Variants in PKHD1 observed in about 807,000 individuals in gnomAD.
The protein encoded by PKHD1 is PKHD1 ciliary IPT domain containing fibrocystin/polyductin, also known as fibrocystin.
Under a neutral mutation model 412.0 loss-of-function variants are expected in PKHD1, and 291 were observed. The ratio of observed to expected loss-of-function variants is 0.71; its 90% CI spans 0.64 to 0.78. The LOEUF (loss-of-function observed/expected upper bound fraction) is 0.78, where lower values mean the gene tolerates loss of function less well. Among genes scored for constraint, PKHD1 ranks in the 30% least tolerant of loss-of-function variants. PKHD1 has a pLI of 0.00. For synonymous variants in PKHD1, 1,777 were observed against 1,821.5 expected (o/e 0.98, Z 0.62); for missense variants, 4,825 against 4,950.7 (o/e 0.97, Z 0.76).
intron 57 of PKHD1, among the ~76,000 whole-genome samples, chr6:51,750,760 T>G (rs1214411630): frequency 3.9e-5 from 6 of 152,114 alleles, no homozygotes; most frequent in African/African-American, 1.4e-4. Flanking sequence ...TTAAAATGTC[T>G]TGAGCATTAA....
At chr6:51,757,823 G>A (rs188810931) in intron 55 of PKHD1, among the ~76,000 whole-genome samples, 3 of 151,936 alleles carry the variant, frequency 2.0e-5, no homozygotes, top group Admixed American at 2.0e-4. Flanking sequence ...GGCAACTAGA[G>A]TGATCCCATC....
intron 28 of PKHD1, 44 bp downstream of exon 28, chr6:52,035,547 G>A (rs759113390): frequency 6.4e-7 from 1 of 1,572,210 alleles, no homozygotes; most frequent in Non-Finnish European, 8.8e-7. Context: ...ATTAACAGTG[G>A]TCACTCACCC....
chr6:52,017,751 CT>C (rs1362798547), intron 33 of PKHD1, 122 bp from the exon 34 acceptor site: 54 of 753,988 alleles, frequency 7.2e-5, no homozygotes, highest in Non-Finnish European at 1.1e-4. Context: ...TAGCAGTTTA[CT>C]TTTTTTAAAA....
intron 60 of PKHD1, among the ~76,000 whole-genome samples, chr6:51,690,388 G>C (rs1458952998): frequency 6.6e-6 from 1 of 151,862 alleles, no homozygotes; most frequent in African/African-American, 2.4e-5. Context: ...AATAAAGCTG[G>C]AGGTATCATG....
Position 51,659,535 on chromosome 6 carries a change from T to C in PKHD1, c.10591A>G (p.Ile3531Val), listed in dbSNP as rs374488342. Residue 3531 changes from isoleucine (I) to valine (V), a missense_variant, in exon 61 of 67, where the codon ATT (isoleucine) becomes GTT (valine). Ile to Val is a conservative substitution (Grantham distance 29). Transcript: ENST00000371117. ...QSASLLLNES[I>V]GANYFNIMDN... ...ATGATGTTGAAATAGTTGGCACCAA[T>C]AGATTCATTCAGCAATAAGGAAGCT... 31 of 1,613,532 alleles carry C rather than the reference T, an allele frequency of 1.9e-5. No homozygotes were observed. Among genetic ancestry groups the C allele is most frequent in the South Asian group, 1.1e-4 (10 of 91,078 alleles).
Position 51,999,202 on chromosome 6 carries a change from T to A in PKHD1, c.5751+11107A>T, listed in dbSNP as rs368001742. On this transcript the variant is annotated intron_variant, in intron 35 of 66. Transcript: ENST00000371117. Reference sequence around the variant, plus strand: ...AGAGTTAATGCAAGTTAACATCCACTCATACATACAGTAATACCATTAAGG... The same window carrying A: ...AGAGTTAATGCAAGTTAACATCCACACATACATACAGTAATACCATTAAGG... Among the ~76,000 whole-genome samples, 22 of 152,300 alleles carry A rather than the reference T, an allele frequency of 1.4e-4. 1 individual carries two copies. The highest frequency in any genetic ancestry group is 5.1e-4 in the African/African-American group (21 of 41,558).
intron 1 of PKHD1, among the ~76,000 whole-genome samples, chr6:52,086,976 G>C (rs1001048373): frequency 2.0e-5 from 3 of 152,124 alleles, no homozygotes; most frequent in Non-Finnish European, 2.9e-5. Context: ...ATCTGGCTAC[G>C]TGATTTTAAC....
At chr6:52,050,030 C>A in intron 22 of PKHD1, 127 bp downstream of exon 22, 1 of 879,350 alleles carries the variant, frequency 1.1e-6, no homozygotes, top group South Asian at 1.4e-5. Flanking sequence ...GCTGCATTCT[C>A]AAGATTGAGA....
At chr6:51,808,968 T>C (rs536232985) in intron 52 of PKHD1, among the ~76,000 whole-genome samples, 7 of 152,154 alleles carry the variant, frequency 4.6e-5, no homozygotes, top group African/African-American at 1.4e-4. Context: ...TCCTGAAATA[T>C]GGATTTATGG....
chr6:51,750,000 A>T (rs1785820334), intron 57 of PKHD1, among the ~76,000 whole-genome samples: 1 of 152,186 alleles, frequency 6.6e-6, no homozygotes, highest in Non-Finnish European at 1.5e-5. Flanking sequence ...TCACTGTTTC[A>T]ATAATAGTAT....
At chr6:51,732,319 TC>T (rs1192146441) in intron 60 of PKHD1, among the ~76,000 whole-genome samples, 1 of 151,922 alleles carries the variant, frequency 6.6e-6, no homozygotes, top group East Asian at 1.9e-4. Context: ...AATTTGTGGA[TC>T]AAAAAACTCT....
At position 51,852,619 on chromosome 6, in the gene PKHD1, G is replaced by A. The variant is rs115060782; in HGVS notation, c.7911+3274C>T. Among the ~76,000 whole-genome samples, 1,098 of 151,760 alleles carry A rather than the reference G, an allele frequency of 7.2e-3. 15 individuals are homozygous for A. The highest frequency in any genetic ancestry group is 0.024 in the African/African-American group (1,004 of 41,450). On this transcript the variant is annotated intron_variant, in intron 49 of 66. Coordinates refer to ENST00000371117, the MANE Select transcript of PKHD1 (RefSeq NM_138694.4). The stretch of plus-strand genomic sequence containing the variant: ...GGGCATGTATATTTAGATAGTTAGC[G>A]TTTCTTTTCTTGTTGCATTGTTCCC...
chr6:51,655,087 G>A (rs1054672487), intron 61 of PKHD1, among the ~76,000 whole-genome samples: 1 of 152,030 alleles, frequency 6.6e-6, no homozygotes, highest in Non-Finnish European at 1.5e-5. Flanking sequence ...AATTTGTACT[G>A]TAGTGAAAAG....
intron 33 of PKHD1, among the ~76,000 whole-genome samples, chr6:52,018,672 C>A (rs370754703): frequency 6.6e-6 from 1 of 152,156 alleles, no homozygotes; most frequent in Non-Finnish European, 1.5e-5. Context: ...CACCACCACA[C>A]CCCGGATGAT....
At position 51,753,307 on chromosome 6, in the gene PKHD1, A is replaced by G. The variant is rs2151011782; in HGVS notation, c.8844T>C (p.Ala2948=). The change falls in exon 57 of 67, where the codon GCT becomes GCC. Residue 2948 remains alanine (A), a synonymous_variant. Transcript: ENST00000371117. ...TATTTCGGGTCAACAGTCCAACCTCAGCAGCCAAACGAATGTGTCGGCCAT... is the reference window on the plus strand; with the variant it reads ...TATTTCGGGTCAACAGTCCAACCTCGGCAGCCAAACGAATGTGTCGGCCAT... ...TEDGRHIRLA[A]EVGLLTRNIQ... 1 of 1,613,808 alleles carries G rather than the reference A, an allele frequency of 6.2e-7. No individual in the cohort carries two copies. The highest frequency in any genetic ancestry group is 2.2e-5 in the East Asian group (1 of 44,872).
At chr6:51,745,476 G>C (rs113037679) in intron 59 of PKHD1, among the ~76,000 whole-genome samples, 1 of 152,164 alleles carries the variant, frequency 6.6e-6, no homozygotes, top group Non-Finnish European at 1.5e-5. Context: ...TGGAAGGAGG[G>C]AGAAACCTTC....
chr6:52,046,878 A>G (rs1805931455), intron 23 of PKHD1, among the ~76,000 whole-genome samples: 1 of 152,198 alleles, frequency 6.6e-6, no homozygotes, highest in Admixed American at 6.5e-5. Context: ...ATGAAACCCA[A>G]CCATATGCAG....
At chr6:52,065,164 T>TAGAGAGAGAGAGAGAGAGAG (rs1415728896) in intron 12 of PKHD1, 114 bp from the exon 13 acceptor site, 4 of 57,134 alleles carry the variant, frequency 7.0e-5, no homozygotes, top group Non-Finnish European at 1.2e-4. Context: ...TATATATATA[T>TAGAGAGAGAGAGAGAGAGAG]ATATAGAGAG....
Position 52,064,996 on chromosome 6 carries a change from C to T in PKHD1, c.935G>A (p.Arg312Gln), listed in dbSNP as rs140781915. The T allele has an allele frequency of 2.7e-4, 433 of 1,604,142 alleles. No homozygotes were observed. The highest frequency in any genetic ancestry group is 5.2e-4 in the Admixed American group (31 of 59,526). The change falls in exon 13 of 67, where the codon CGG becomes CAG. Residue 312 changes from arginine to glutamine, a missense_variant. Arg to Gln is a conservative substitution (Grantham distance 43). Transcript: ENST00000371117. ...VSPRKIECTT[R>Q]APGKDVRLTT... is the part of the protein sequence containing the mutation. ...GAGCCTCACATCTTTTCCTGGAGCC[C>T]GAGTGGTGCACTCAATCTTCCTGGG...
Sources: gnomAD v4.1 joint callset for allele counts (sites outside exome capture counted in the v4.1 genomes callset) on GRCh38, gnomAD v4.1.1 for gene constraint, MANE v1.5 for transcripts, NCBI Gene and HGNC (gene_info 2026-07-23, HGNC 2026-07-21) for gene names.